The following RUVBL1 variants were observed in gnomAD, a reference collection of about 807,000 sequenced individuals.
RUVBL1 encodes ruvB-like 1.
RUVBL1 carries 4 observed loss-of-function variants against 52.4 expected under a neutral mutation model. The ratio of observed to expected loss-of-function variants is 0.08; its 90% CI spans 0.04 to 0.17. RUVBL1 has a LOEUF of 0.17. Among genes scored for constraint, RUVBL1 ranks in the 10% least tolerant of loss-of-function variants. RUVBL1 has a pLI of 1.00. For missense variants in RUVBL1, 298 were observed against 572.8 expected (o/e 0.52, Z 4.90); for synonymous variants, 217 against 214.4 (o/e 1.01, Z -0.10).
chr3:128,124,809 G>T (rs147434482), upstream of RUVBL1, among the ~76,000 whole-genome samples: 1 of 152,142 alleles, frequency 6.6e-6, no homozygotes, highest in Non-Finnish European at 1.5e-5. Flanking sequence ...TCATGAAGGT[G>T]ATGTTGCCTT....
intron 1 of RUVBL1, chr3:128,153,185 C>A: frequency 7.9e-7 from 1 of 1,261,784 alleles, no homozygotes; most frequent in Non-Finnish European, 1.0e-6. Flanking sequence ...TAGAAAAGTT[C>A]TCCAAGTCTC....
intron 9 of RUVBL1, chr3:128,066,857 C>T: frequency 1.7e-6 from 2 of 1,188,984 alleles, no homozygotes; most frequent in Non-Finnish European, 2.4e-6. Flanking sequence ...GATTTCCTCC[C>T]TTGTGGCCCA....
At chr3:128,065,325 C>A in intron 9 of RUVBL1, 1 of 588,322 alleles carries the variant, frequency 1.7e-6, no homozygotes, top group Middle Eastern at 3.0e-4. Context: ...GTTCTTAGTT[C>A]AAGAGAAGCA....
chr3:128,126,738 T>A (rs780951746), upstream of RUVBL1, among the ~76,000 whole-genome samples: 7 of 152,196 alleles, frequency 4.6e-5, no homozygotes, highest in Non-Finnish European at 8.8e-5. Flanking sequence ...GAAAACAATG[T>A]GGCAGGCCAG....
chr3:128,116,528 CAA>C (rs56800760), intron 2 of RUVBL1, among the ~76,000 whole-genome samples: 25 of 99,260 alleles, frequency 2.5e-4, no homozygotes, highest in Admixed American at 3.4e-4. Context: ...GACTTCATCT[CAA>C]AAAAAAAAAA....
At position 128,082,134 on chromosome 3, in the gene RUVBL1, G is replaced by C. The variant is rs372503648; in HGVS notation, c.1211+349C>G. The stretch of plus-strand genomic sequence containing the variant: ...ATTTACCAGGCCTCATAACACCACC[G>C]GGAGAACAGGAGCCAGGGCCCTGGC... On this transcript the variant is annotated intron_variant, in intron 10 of 10. Transcript: ENST00000322623. This position sits in a 1 kb window ranked among gnomAD's most constrained non-coding sequence, Gnocchi z 4.7. 4.7e-6 allele frequency: 1 copy of C among 211,972 alleles called. No individual in the cohort carries two copies. Among genetic ancestry groups the C allele is most frequent in the Non-Finnish European group, 9.5e-6 (1 of 105,376 alleles). 13.1% of individuals were successfully genotyped at this position (211,972 alleles called of 1,614,324 possible).
chr3:128,114,122 C>CT (rs1322474362), intron 2 of RUVBL1, among the ~76,000 whole-genome samples: 2 of 152,220 alleles, frequency 1.3e-5, no homozygotes, highest in Non-Finnish European at 2.9e-5. Context: ...CAAGCAAATG[C>CT]TTTAAAGTTG....
Position 128,123,327 on chromosome 3 carries a change from T to A in RUVBL1, c.141+257A>T, listed in dbSNP as rs56827626. 2.8e-3 allele frequency among the ~76,000 whole-genome samples: 426 copies of A among 152,266 alleles called. 2 individuals are homozygous for A. Among genetic ancestry groups the A allele is most frequent in the African/African-American group, 9.7e-3 (402 of 41,544 alleles). On this transcript the variant is annotated intron_variant, in intron 1 of 10. Coordinates refer to ENST00000322623, the MANE Select transcript of RUVBL1 (RefSeq NM_003707.3). ...TTAAGGGGACGGGGTTGTGTGGGTTTATATCAGCACTTGTCCATGAGTTGG... is the reference window on the plus strand; with the variant it reads ...TTAAGGGGACGGGGTTGTGTGGGTTAATATCAGCACTTGTCCATGAGTTGG...
At chr3:128,080,176 T>C (rs1384424197), downstream of RUVBL1, among the ~76,000 whole-genome samples, 1 of 152,188 alleles carries the variant, frequency 6.6e-6, no homozygotes, top group East Asian at 1.9e-4. Context: ...ACTTCAGAGA[T>C]AGGGACACAC....
intron 8 of RUVBL1, among the ~76,000 whole-genome samples, chr3:128,094,632 A>AGG (rs1372615588): frequency 3.9e-5 from 6 of 152,182 alleles, no homozygotes; most frequent in African/African-American, 7.2e-5. Context: ...GAGTCTGGAG[A>AGG]TAACCTCAAC....
intron 5 of RUVBL1, among the ~76,000 whole-genome samples, 192 bp downstream of exon 5, chr3:128,101,367 G>T (rs887849451): frequency 6.6e-6 from 1 of 152,154 alleles, no homozygotes; most frequent in African/African-American, 2.4e-5. Context: ...GAAGGTTAAA[G>T]AATGAAGATA....
At chr3:128,073,469 T>G (rs1942227583) in intron 9 of RUVBL1, among the ~76,000 whole-genome samples, 1 of 152,104 alleles carries the variant, frequency 6.6e-6, no homozygotes, top group African/African-American at 2.4e-5. Context: ...GAGCAACGGA[T>G]TCCTGATGAG....
chr3:128,123,181 A>G (rs1943694310), intron 1 of RUVBL1, among the ~76,000 whole-genome samples: 1 of 152,178 alleles, frequency 6.6e-6, no homozygotes, highest in Non-Finnish European at 1.5e-5. Flanking sequence ...AACCCCACCA[A>G]GATAAGATAA....
intron 6 of RUVBL1, 149 bp downstream of exon 6, chr3:128,100,446 C>T: frequency 2.4e-6 from 2 of 842,936 alleles, no homozygotes; most frequent in Non-Finnish European, 3.5e-6. Context: ...TCCCTCGTAG[C>T]TCATGTCGAT....
intron 8 of RUVBL1, among the ~76,000 whole-genome samples, chr3:128,090,382 G>A (rs1036645618): frequency 2.2e-4 from 34 of 152,180 alleles, no homozygotes; most frequent in Non-Finnish European, 5.9e-5. Flanking sequence ...AGCCGGGCGT[G>A]GTGGCGGGCG....
In RUVBL1 at chr3:128,145,993, C is replaced by T. The variant is rs147106795; in HGVS notation, c.-40+7210G>A. 1.0e-3 allele frequency among the ~76,000 whole-genome samples: 154 copies of T among 152,206 alleles called. 4 individuals are homozygous for T. The East Asian group carries it at 0.027, about 27-fold the overall frequency. ...GAATGAACATAATAAGGAAATAAAC[C>T]ATACACGTATGTTCAAAGGTGATAT... On this transcript the variant is annotated intron_variant, in intron 1 of 9. Transcript: ENST00000464873.
At chr3:128,079,330 G>C (rs1281864296), downstream of RUVBL1, among the ~76,000 whole-genome samples, 1 of 152,202 alleles carries the variant, frequency 6.6e-6, no homozygotes, top group East Asian at 1.9e-4. Context: ...CCAGGAGTTA[G>C]GAACACAGGT....
intron 9 of RUVBL1, among the ~76,000 whole-genome samples, chr3:128,066,034 A>G (rs1941968396): frequency 6.6e-6 from 1 of 151,940 alleles, no homozygotes; most frequent in African/African-American, 2.4e-5. Flanking sequence ...GAGCCACCGC[A>G]CCCGGCCTTA....
At chr3:128,123,839 A>G (rs548787157), upstream of RUVBL1, 16 of 1,366,704 alleles carry the variant, frequency 1.2e-5, no homozygotes, top group African/African-American at 2.2e-4. Flanking sequence ...GCCCGCCTAG[A>G]CCGGCTTTCC....
Sources: allele counts gnomAD v4.1 joint callset (sites outside exome capture counted in the v4.1 genomes callset), GRCh38; gene constraint gnomAD v4.1.1; non-coding constraint Gnocchi (gnomAD v3.1); transcripts MANE v1.5; gene names NCBI Gene and HGNC (gene_info 2026-07-23, HGNC 2026-07-21).